IKZF3: variants seen among roughly 807,000 people sequenced by gnomAD.
The protein encoded by IKZF3 is zinc finger protein Aiolos.
IKZF3 carries 10 observed loss-of-function variants against 49.0 expected under a neutral mutation model. That is an observed-to-expected ratio of 0.20 (90% CI 0.13 to 0.35). The LOEUF (loss-of-function observed/expected upper bound fraction) is 0.35, where lower values mean the gene tolerates loss of function less well. Ranked by LOEUF, IKZF3 falls within the 10% of genes least tolerant of loss-of-function variation. IKZF3 has a pLI of 1.00. For missense variants in IKZF3, 498 were observed against 664.8 expected, an observed-to-expected ratio of 0.75 and a Z score of 2.76; for synonymous variants, 209 against 228.2, an observed-to-expected ratio of 0.92 and a Z score of 0.76.
At chr17:39,807,634 C>T (rs2061463391) in intron 3 of IKZF3, among the ~76,000 whole-genome samples, 1 of 136,522 alleles carries the variant, frequency 7.3e-6, no homozygotes, top group South Asian at 2.3e-4. Context: ...ATCACTTGAG[C>T]CCAGGAGTTT....
chr17:39,841,443 T>G, intron 1 of IKZF3, among the ~76,000 whole-genome samples: 1 of 151,970 alleles, frequency 6.6e-6, no homozygotes, highest in Non-Finnish European at 1.5e-5. Context: ...ATCTACATTT[T>G]AGGGGCAGTC....
chr17:39,784,968 C>T (rs552713792), intron 6 of IKZF3, among the ~76,000 whole-genome samples: 9 of 152,276 alleles, frequency 5.9e-5, no homozygotes, highest in South Asian at 2.1e-4. Flanking sequence ...TCTCACACTA[C>T]GCTGCACTTC....
chr17:39,842,457 G>A (rs1327021229), intron 1 of IKZF3, among the ~76,000 whole-genome samples: 3 of 152,138 alleles, frequency 2.0e-5, no homozygotes. Context: ...AGTATAAGTC[G>A]GGAACATTTT....
intron 3 of IKZF3, among the ~76,000 whole-genome samples, chr17:39,822,582 CTTTTT>C (rs536009534): frequency 1.5e-5 from 2 of 132,988 alleles, no homozygotes. Context: ...GTATTTCTTT[CTTTTT>C]TTTTTTTTTT....
At chr17:39,821,189 G>T (rs2061801386) in intron 3 of IKZF3, among the ~76,000 whole-genome samples, 2 of 152,106 alleles carry the variant, frequency 1.3e-5, no homozygotes, top group African/African-American at 4.8e-5. Context: ...TGAAGTAGGG[G>T]CGGTCTGTGG....
intron 3 of IKZF3, among the ~76,000 whole-genome samples, chr17:39,795,801 T>C (rs934485761): frequency 4.8e-4 from 72 of 150,028 alleles, no homozygotes; most frequent in African/African-American, 1.6e-3. Flanking sequence ...GCCTGTAATC[T>C]CAGCACTTTG....
At chr17:39,810,475 T>C (rs1212243352) in intron 3 of IKZF3, among the ~76,000 whole-genome samples, 4 of 152,144 alleles carry the variant, frequency 2.6e-5, no homozygotes, top group African/African-American at 9.7e-5. Context: ...TAAAAATACA[T>C]AAGTAAGCTT....
chr17:39,776,369 A>G (rs1206396369), intron 7 of IKZF3, among the ~76,000 whole-genome samples: 1 of 152,218 alleles, frequency 6.6e-6, no homozygotes, highest in African/African-American at 2.4e-5. Flanking sequence ...GATATATGGG[A>G]ATATTTGTAG....
chr17:39,791,888 T>C (rs79529087), intron 4 of IKZF3, among the ~76,000 whole-genome samples: 2 of 116,356 alleles, frequency 1.7e-5, no homozygotes, highest in Non-Finnish European at 3.5e-5. Flanking sequence ...TGGTACTCCC[T>C]TTTTTTTTTT....
rs2060106922 is a variant in IKZF3 at position 39,758,187 on chromosome 17, C to G, written c.*7603G>C. On this transcript the variant is annotated 3_prime_UTR_variant, in exon 8 of 8. Transcript: ENST00000346872. ...AAATAAGCTATGGTTTTTCCAGTAG[C>G]CAAAATGATCCTGCACCAAAGCTCA... 6.6e-6 allele frequency: 1 copy of G among 152,184 alleles called. No homozygotes were observed. The highest frequency in any genetic ancestry group is 1.5e-5 in the Non-Finnish European group (1 of 68,024). The allele number at this position is 152,184 out of a possible 1,614,324, so 9.4% of individuals were successfully genotyped here.
At chr17:39,809,337 G>A (rs192449365) in intron 3 of IKZF3, among the ~76,000 whole-genome samples, 37 of 152,276 alleles carry the variant, frequency 2.4e-4, no homozygotes, top group Non-Finnish European at 7.4e-5. Flanking sequence ...CAACCAGGCA[G>A]CTAAACGAGA....
rs751850012 is a variant in IKZF3 at position 39,766,372 on chromosome 17, G to A, written c.948C>T (p.Gly316=). The A allele has an allele frequency of 3.0e-5, 49 of 1,614,190 alleles. No homozygotes were observed. The highest frequency in any genetic ancestry group is 3.3e-4 in the Middle Eastern group (2 of 6,062). The part of the protein sequence containing the change: ...QAINNAISYL[G]AEALRPLVQT... ...GGACCAAGGGGCGCAGGGCTTCGGC[G>A]CCAAGATAGCTGATGGCGTTATTGA... The change falls in exon 8 of 8, where the codon GGC becomes GGT. Residue 316 remains glycine (G), a synonymous_variant. Coordinates refer to ENST00000346872, the MANE Select transcript of IKZF3 (RefSeq NM_012481.5).
chr17:39,792,731 C>T lies in IKZF3; in HGVS notation c.366G>A (p.Val122=). The T allele has an allele frequency of 1.2e-6, 2 of 1,614,176 alleles. No individual in the cohort carries two copies. The highest frequency in any genetic ancestry group is 8.5e-7 in the Non-Finnish European group (1 of 1,179,990). The change falls in exon 4 of 8, where the codon GTG becomes GTA. Residue 122 remains valine, a synonymous_variant. Transcript: ENST00000346872. The part of the protein sequence containing the change: ...RPTSGKMNCD[V]CGLSCISFNV... ...TGAAGCTGATGCAGGATAATCCACACACATCGCAGTTCATCTTTCCACTGG... is the reference window on the plus strand; with the variant it reads ...TGAAGCTGATGCAGGATAATCCACATACATCGCAGTTCATCTTTCCACTGG...
At chr17:39,853,357 T>C (rs945223056) in intron 1 of IKZF3, among the ~76,000 whole-genome samples, 2 of 152,196 alleles carry the variant, frequency 1.3e-5, no homozygotes, top group African/African-American at 4.8e-5. Flanking sequence ...TTCATCAAAA[T>C]TAAACTTTAT....
At chr17:39,776,200 C>A (rs180796422) in intron 7 of IKZF3, among the ~76,000 whole-genome samples, 7 of 152,224 alleles carry the variant, frequency 4.6e-5, no homozygotes, top group Middle Eastern at 3.4e-3. Context: ...GTGATTGCAC[C>A]ACAGCACGCC....
intron 7 of IKZF3, among the ~76,000 whole-genome samples, chr17:39,777,047 A>G (rs1597974610): frequency 6.6e-6 from 1 of 152,226 alleles, no homozygotes; most frequent in East Asian, 1.9e-4. Flanking sequence ...AAGTCCTAAC[A>G]CTTCAATGAA....
chr17:39,791,761 A>G lies in IKZF3; in HGVS notation c.425-178T>C, dbSNP rs1437021733. Among the ~76,000 whole-genome samples, 4 of 152,310 alleles carry G rather than the reference A, an allele frequency of 2.6e-5. No homozygotes were observed. In the East Asian group the frequency reaches 5.8e-4, roughly 22 times the overall value. ...TTACTTATGAAATCTCCTCTGTAGA[A>G]GAGAAAAAGCACCCACTAGCAAGGC... On this transcript the variant is annotated intron_variant, in intron 4 of 7. Coordinates refer to ENST00000346872, the MANE Select transcript of IKZF3 (RefSeq NM_012481.5).
chr17:39,798,996 CGT>C (rs10628627), intron 3 of IKZF3, among the ~76,000 whole-genome samples: 6,060 of 149,022 alleles, frequency 0.041, 169 homozygotes, highest in Non-Finnish European at 0.059. Context: ...TGTGTGTGTG[CGT>C]GTGTGTGTGT....
At chr17:39,822,092 C>G (rs751875720) in intron 3 of IKZF3, among the ~76,000 whole-genome samples, 1 of 152,170 alleles carries the variant, frequency 6.6e-6, no homozygotes, top group Admixed American at 6.5e-5. Flanking sequence ...ATTATAAGGT[C>G]TATTTACCCT....
Sources: allele counts gnomAD v4.1 joint callset (sites outside exome capture counted in the v4.1 genomes callset), GRCh38; gene constraint gnomAD v4.1.1; transcripts MANE v1.5; gene names NCBI Gene and HGNC (gene_info 2026-07-23, HGNC 2026-07-21).